OSBPL1A: variants seen among roughly 807,000 people sequenced by gnomAD.
OSBPL1A encodes the protein oxysterol-binding protein-related protein 1.
In OSBPL1A, 80 loss-of-function variants were observed where a neutral mutation model predicts 137.1. The ratio of observed to expected loss-of-function variants is 0.58; its 90% CI spans 0.49 to 0.70. The LOEUF (loss-of-function observed/expected upper bound fraction) is 0.70, where lower values mean the gene tolerates loss of function less well. Among genes scored for constraint, OSBPL1A ranks in the 30% least tolerant of loss-of-function variants. OSBPL1A has a pLI of 0.00. For synonymous variants in OSBPL1A, 365 were observed against 389.7 expected, an observed-to-expected ratio of 0.94 and a Z score of 0.75; for missense variants, 970 against 1,129.4, an observed-to-expected ratio of 0.86 and a Z score of 2.02.
chr18:24,278,634 C>T (rs988654713), intron 15 of OSBPL1A, among the ~76,000 whole-genome samples: 11 of 152,134 alleles, frequency 7.2e-5, no homozygotes. Flanking sequence ...CATGAACCAA[C>T]ATAACACGTT....
chr18:24,368,370 T>C lies in OSBPL1A; in HGVS notation c.124A>G (p.Arg42Gly). 6.2e-7 allele frequency: 1 copy of C among 1,610,346 alleles called. No individual in the cohort carries two copies. Among genetic ancestry groups the C allele is most frequent in the Non-Finnish European group, 8.5e-7 (1 of 1,177,178 alleles). ...EVIADINCKG[R>G]SKSNLGWTPL... The stretch of plus-strand genomic sequence containing the variant: ...GTCCAGCCCAAGTTAGACTTACTTC[T>C]TCCTAAAAATGGAAAAATATAAGGT... Residue 42 changes from arginine (R) to glycine (G), a missense_variant and splice_region_variant, in exon 3 of 28, where the codon AGA becomes GGA. Around this residue, in one of 2 missense-constraint regions of OSBPL1A, gnomAD observed 647 missense variants for 672.6 expected, o/e 0.96. Transcript: ENST00000319481.
chr18:24,214,018 A>T (rs2087621523), intron 17 of OSBPL1A, among the ~76,000 whole-genome samples: 1 of 152,218 alleles, frequency 6.6e-6, no homozygotes, highest in African/African-American at 2.4e-5. Flanking sequence ...CATTTTAGGC[A>T]GCTGGATTCC....
At position 24,341,563 on chromosome 18, in the gene OSBPL1A, G is replaced by T; in HGVS notation, c.378C>A (p.Ile126=). The change falls in exon 5 of 28, where the codon ATC becomes ATA. Residue 126 remains isoleucine, a synonymous_variant. Transcript: ENST00000319481. ...TAKEVTHAEE[I]RSMLEAVERT... is the part of the protein sequence containing the mutation. ...GATATTTACCTTCAAGCATGCTTCT[G>T]ATTTCTTCAGCATGAGTAACTTCTT... 6.2e-7 allele frequency: 1 copy of T among 1,611,442 alleles called. No individual in the cohort carries two copies.
rs1363236113 is a variant in OSBPL1A at position 24,239,251 on chromosome 18, A to G, written c.1413T>C (p.Leu471=). 1 of 1,614,072 alleles carries G rather than the reference A, an allele frequency of 6.2e-7. No homozygotes were observed. Among genetic ancestry groups the G allele is most frequent in the Non-Finnish European group, 8.5e-7 (1 of 1,179,970 alleles). The change falls in exon 16 of 28, where the codon CTT becomes CTC. Residue 471 remains leucine, a synonymous_variant. Transcript: ENST00000319481. ...GCGCATCATAGAACTCGTCCTCGCT[A>G]AGGATGCTGGCGGGTGGAGAGCCTT... ...LVKGSPPASI[L]SEDEFYDALS...
intron 4 of OSBPL1A, chr18:24,358,405 C>T: frequency 2.9e-6 from 2 of 697,352 alleles, no homozygotes; most frequent in Non-Finnish European, 5.2e-6. Flanking sequence ...CTTGACTTGT[C>T]CACTCCTGTC....
At chr18:24,227,637 C>T (rs938928612) in intron 16 of OSBPL1A, among the ~76,000 whole-genome samples, 14 of 152,160 alleles carry the variant, frequency 9.2e-5, no homozygotes, top group East Asian at 1.9e-4. Context: ...GATGGCACAA[C>T]GGCAAATTTT....
chr18:24,358,383 C>T (rs2091570940), intron 4 of OSBPL1A: 3 of 677,944 alleles, frequency 4.4e-6, no homozygotes, highest in Admixed American at 2.2e-5. Context: ...ATCGCTTGAG[C>T]CGGCAGCACT....
chr18:24,202,156 C>T (rs2087240030), intron 17 of OSBPL1A, among the ~76,000 whole-genome samples: 1 of 152,014 alleles, frequency 6.6e-6, no homozygotes, highest in African/African-American at 2.4e-5. Context: ...ATAAAAGAAC[C>T]GTGGAATGGA....
At chr18:24,199,564 A>T (rs982420556) in intron 17 of OSBPL1A, among the ~76,000 whole-genome samples, 6 of 152,232 alleles carry the variant, frequency 3.9e-5, no homozygotes, top group South Asian at 2.1e-4. Flanking sequence ...GTTGCCTAGG[A>T]CAATGGCTAG....
chr18:24,380,526 C>G (rs1022632343), intron 1 of OSBPL1A, among the ~76,000 whole-genome samples: 1 of 152,218 alleles, frequency 6.6e-6, no homozygotes, highest in Non-Finnish European at 1.5e-5. Flanking sequence ...GAAGAGCAGC[C>G]TAATCCCCCA....
At chr18:24,204,849 G>A (rs75291959) in intron 17 of OSBPL1A, among the ~76,000 whole-genome samples, 4,480 of 151,966 alleles carry the variant, frequency 0.029, 132 homozygotes, top group African/African-American at 0.077. Context: ...TTTTTATTTA[G>A]CTTCATTCCA....
chr18:24,271,985 CG>C lies in OSBPL1A; in HGVS notation c.1281+8856del. 1 of 981,800 alleles carries C rather than the reference CG, an allele frequency of 1.0e-6. No homozygotes were observed. Among genetic ancestry groups the C allele is most frequent in the Non-Finnish European group, 1.2e-6 (1 of 828,668 alleles). 60.8% of individuals were successfully genotyped at this position (981,800 alleles called of 1,614,324 possible). On this transcript the variant is annotated intron_variant, in intron 15 of 27. Transcript: ENST00000319481. This position sits in a 1 kb window ranked among gnomAD's most constrained non-coding sequence, Gnocchi z 4.0. ...CCGGGGCTCGCGGGGAGAGCGCGGG[CG>C]GGCGGCGGCAAGGCCTGCGGCGGGC... is the stretch of plus-strand genomic sequence containing the variant.
intron 7 of OSBPL1A, 121 bp from the exon 8 acceptor site, chr18:24,318,930 C>T: frequency 1.2e-6 from 1 of 834,830 alleles, no homozygotes; most frequent in Non-Finnish European, 1.9e-6. Flanking sequence ...TTTCTTTCCC[C>T]AGAAAATTAC....
intron 15 of OSBPL1A, among the ~76,000 whole-genome samples, chr18:24,269,855 C>T (rs1182648471): frequency 1.4e-5 from 2 of 146,772 alleles, no homozygotes; most frequent in Admixed American, 1.3e-4. Context: ...AAGCCTAACA[C>T]ACACACACAC....
intron 7 of OSBPL1A, among the ~76,000 whole-genome samples, chr18:24,326,655 T>C (rs1295101008): frequency 6.6e-6 from 1 of 152,250 alleles, no homozygotes; most frequent in Non-Finnish European, 1.5e-5. Context: ...CTAACAGTTC[T>C]CTGGTTCCCA....
chr18:24,256,437 A>G (rs1371133284), intron 15 of OSBPL1A, among the ~76,000 whole-genome samples: 1 of 151,952 alleles, frequency 6.6e-6, no homozygotes, highest in Non-Finnish European at 1.5e-5. Flanking sequence ...TATGACAAAA[A>G]CCCTCAAAAA....
chr18:24,344,655 C>T (rs1331903650), intron 4 of OSBPL1A, among the ~76,000 whole-genome samples: 2 of 152,016 alleles, frequency 1.3e-5, no homozygotes, highest in African/African-American at 2.4e-5. Context: ...CTAGGGACGC[C>T]CAGCATGCAG....
intron 1 of OSBPL1A, among the ~76,000 whole-genome samples, chr18:24,384,383 G>A (rs1906799724): frequency 6.6e-6 from 1 of 152,168 alleles, no homozygotes; most frequent in Non-Finnish European, 1.5e-5. Flanking sequence ...AGGCCAGCCT[G>A]GCCAACATGG....
chr18:24,370,706 C>T (rs1905554576), intron 2 of OSBPL1A, among the ~76,000 whole-genome samples: 1 of 152,194 alleles, frequency 6.6e-6, no homozygotes, highest in African/African-American at 2.4e-5. Flanking sequence ...ATCCCTCTAT[C>T]ACCCAGGCTA....
Sources: allele counts gnomAD v4.1 joint callset (sites outside exome capture counted in the v4.1 genomes callset), GRCh38; gene constraint gnomAD v4.1.1; regional missense constraint gnomAD v4.1.1; non-coding constraint Gnocchi (gnomAD v3.1); transcripts MANE v1.5; gene names NCBI Gene and HGNC (gene_info 2026-07-23, HGNC 2026-07-21).